The following PACSIN2 variants were observed in gnomAD, a reference collection of about 807,000 sequenced individuals.
The protein encoded by PACSIN2 is protein kinase C and casein kinase substrate in neurons protein 2.
A neutral mutation model predicts 63.8 loss-of-function variants in PACSIN2; 25 were observed. The ratio of observed to expected loss-of-function variants is 0.39; its 90% confidence interval spans 0.29 to 0.55. PACSIN2 has a LOEUF of 0.55. Ranked by LOEUF, PACSIN2 falls within the 20% of genes least tolerant of loss-of-function variation. PACSIN2 has a pLI of 0.62. For missense variants in PACSIN2, 518 were observed against 646.9 expected (o/e 0.80, Z 2.16); for synonymous variants, 255 against 256.2 (o/e 1.00, Z 0.05).
At chr22:42,917,297 G>A (rs1293720058) in intron 1 of PACSIN2, among the ~76,000 whole-genome samples, 3 of 152,096 alleles carry the variant, frequency 2.0e-5, no homozygotes. Flanking sequence ...AAATCTTCTA[G>A]AACATATAAC....
intron 1 of PACSIN2, among the ~76,000 whole-genome samples, chr22:42,924,793 G>A (rs1335579498): frequency 6.8e-6 from 1 of 146,350 alleles, no homozygotes; most frequent in Non-Finnish European, 1.5e-5. Context: ...GTCTAGCTCT[G>A]TCGCCCAGGC....
Position 42,925,453 on chromosome 22 carries a change from C to T in PACSIN2, c.-77-13296G>A, listed in dbSNP as rs7292788. Among the ~76,000 whole-genome samples the T allele has an allele frequency of 5.2e-3, 781 of 151,374 alleles. 4 individuals are homozygous for T. Among genetic ancestry groups the T allele is most frequent in the African/African-American group, 0.018 (746 of 41,184 alleles). ...CAAGATCACGCCATAGCACTCCAGC[C>T]TGGGCGACAGAGCAAGACTCCGTCT... On this transcript the variant is annotated intron_variant, in intron 1 of 10. Transcript: ENST00000263246.
At chr22:42,997,520 T>C (rs1037644261) in intron 1 of PACSIN2, among the ~76,000 whole-genome samples, 3 of 150,902 alleles carry the variant, frequency 2.0e-5, no homozygotes, top group Admixed American at 1.3e-4. Context: ...ATGGCGCCAC[T>C]GCACTCCAGC....
intron 1 of PACSIN2, among the ~76,000 whole-genome samples, chr22:42,914,199 C>G (rs566427869): frequency 1.4e-3 from 206 of 152,282 alleles, no homozygotes; most frequent in African/African-American, 4.5e-3. Flanking sequence ...AGAGGCTGGA[C>G]AGGCCACCTG....
At chr22:42,879,006 C>T in intron 8 of PACSIN2, 42 bp downstream of exon 8, 1 of 1,593,996 alleles carries the variant, frequency 6.3e-7, no homozygotes, top group African/African-American at 1.3e-5. Flanking sequence ...AGGGCCCCCA[C>T]CATGGAACGG....
At chr22:42,915,042 A>G (rs1158098204) in intron 1 of PACSIN2, among the ~76,000 whole-genome samples, 1 of 152,068 alleles carries the variant, frequency 6.6e-6, no homozygotes, top group Non-Finnish European at 1.5e-5. Flanking sequence ...TAAAAAAAAA[A>G]TTTATGTGTG....
rs541095600 is a variant in PACSIN2 at position 42,925,275 on chromosome 22, T to C, written c.-77-13118A>G. ...CTGGCGGATCACTTGAGGTCAGGAG[T>C]TTAAGACCAGCCTGGCCAACATGGT... On this transcript the variant is annotated intron_variant, in intron 1 of 10. Coordinates refer to ENST00000263246, the MANE Select transcript of PACSIN2 (RefSeq NM_001184970.3). Among the ~76,000 whole-genome samples, 4 of 150,932 alleles carry C rather than the reference T, an allele frequency of 2.7e-5. No homozygotes were observed. The East Asian group carries it at 7.9e-4, about 30-fold the overall frequency.
chr22:42,993,282 T>C (rs920382649), intron 1 of PACSIN2, among the ~76,000 whole-genome samples: 2 of 151,988 alleles, frequency 1.3e-5, no homozygotes, highest in African/African-American at 2.4e-5. Flanking sequence ...AGTAGAGCAG[T>C]GGTGGCCTGG....
chr22:42,954,203 C>T (rs559343841), intron 1 of PACSIN2, among the ~76,000 whole-genome samples: 1 of 152,292 alleles, frequency 6.6e-6, no homozygotes, highest in East Asian at 1.9e-4. Flanking sequence ...GCGGAGGTTG[C>T]AGTGAGCCGA....
chr22:42,983,489 CAAAAAAA>C (rs775403003), intron 1 of PACSIN2, among the ~76,000 whole-genome samples: 5 of 82,296 alleles, frequency 6.1e-5, no homozygotes, highest in Non-Finnish European at 1.2e-4. Context: ...GACTCCATCT[CAAAAAAA>C]AAAAAAAAAA....
intron 2 of PACSIN2, among the ~76,000 whole-genome samples, chr22:42,902,946 G>A (rs191315718): frequency 6.2e-4 from 95 of 152,268 alleles, no homozygotes; most frequent in Middle Eastern, 3.4e-3. Flanking sequence ...CGAGTCACAC[G>A]AGCTCTCTCC....
intron 1 of PACSIN2, among the ~76,000 whole-genome samples, chr22:42,960,833 T>C (rs770956985): frequency 1.3e-5 from 2 of 152,230 alleles, no homozygotes; most frequent in African/African-American, 4.8e-5. Context: ...CTGTGCACTT[T>C]AGGTATGCAT....
chr22:42,876,217 G>A lies in PACSIN2; in HGVS notation c.1268C>T (p.Ala423Val), dbSNP rs2146629975. 6.2e-7 allele frequency: 1 copy of A among 1,614,110 alleles called. No homozygotes were observed. The highest frequency in any genetic ancestry group is 2.2e-5 in the East Asian group (1 of 44,892). ...GACTCGCACTTCCGTCCCCGAGGTG[G>A]CGTCGTCGTCGAATGGATTCGAGTC... is the stretch of plus-strand genomic sequence containing the variant. The part of the protein sequence containing the change: ...NGDSNPFDDD[A>V]TSGTEVRVRA... Residue 423 changes from alanine to valine, a missense_variant, in exon 10 of 11, where the codon GCC (alanine) becomes GTC (valine). Physicochemically the swap from Ala to Val is moderately conservative, Grantham distance 64. Transcript: ENST00000263246.
At chr22:43,014,673 C>T (rs1924762956) in intron 1 of PACSIN2, among the ~76,000 whole-genome samples, 1 of 151,890 alleles carries the variant, frequency 6.6e-6, no homozygotes, top group African/African-American at 2.4e-5. Flanking sequence ...GCTCTTAACC[C>T]CCGACGGCCC....
chr22:42,883,962 A>G (rs1436329390), intron 6 of PACSIN2, among the ~76,000 whole-genome samples: 4 of 151,584 alleles, frequency 2.6e-5, no homozygotes, highest in Non-Finnish European at 5.9e-5. Context: ...AACTGAGATC[A>G]CGCCACTGCA....
intron 4 of PACSIN2, 65 bp from the exon 5 acceptor site, chr22:42,888,863 C>T (rs1198538000): frequency 6.5e-7 from 1 of 1,534,224 alleles, no homozygotes; most frequent in Admixed American, 1.7e-5. Context: ...CTAGAAGTCA[C>T]ACAGACCATG....
intron 1 of PACSIN2, among the ~76,000 whole-genome samples, chr22:42,936,598 TA>T (rs1350855527): frequency 6.6e-6 from 1 of 152,142 alleles, no homozygotes; most frequent in Non-Finnish European, 1.5e-5. Context: ...GACTTTTACA[TA>T]TATCAAAGCA....
intron 1 of PACSIN2, among the ~76,000 whole-genome samples, chr22:42,964,280 T>C (rs146908025): frequency 6.6e-6 from 1 of 152,060 alleles, no homozygotes; most frequent in African/African-American, 2.4e-5. Flanking sequence ...TAGCTGGGCA[T>C]GGTGGCACAT....
intron 1 of PACSIN2, among the ~76,000 whole-genome samples, chr22:42,986,753 C>G (rs921623067): frequency 6.6e-6 from 1 of 152,116 alleles, no homozygotes; most frequent in African/African-American, 2.4e-5. Context: ...GGGAACCCCA[C>G]GTGCAAAGAC....
Sources: allele counts gnomAD v4.1 joint callset (sites outside exome capture counted in the v4.1 genomes callset), GRCh38; gene constraint gnomAD v4.1.1; transcripts MANE v1.5; gene names NCBI Gene and HGNC (gene_info 2026-07-23, HGNC 2026-07-21).